XPR1: variants seen among roughly 807,000 people sequenced by gnomAD.
The protein encoded by XPR1 is solute carrier family 53 member 1.
In XPR1, 28 loss-of-function variants were observed where a neutral mutation model predicts 87.5. The observed-to-expected ratio is 0.32, with a 90% CI of 0.24 to 0.44. The LOEUF (loss-of-function observed/expected upper bound fraction) is 0.44, where lower values mean the gene tolerates loss of function less well. Ranked by LOEUF, XPR1 falls within the 20% of genes least tolerant of loss-of-function variation. The probability of loss-of-function intolerance (pLI) is 1.00; values close to 1 mark genes in which losing one functional copy is unlikely to be tolerated. For missense variants in XPR1, 559 were observed against 862.3 expected, an observed-to-expected ratio of 0.65 and a Z score of 4.41; for synonymous variants, 300 against 306.1, an observed-to-expected ratio of 0.98 and a Z score of 0.21.
chr1:180,768,293 A>G (rs1178898361), intron 2 of XPR1, among the ~76,000 whole-genome samples: 4 of 151,774 alleles, frequency 2.6e-5, no homozygotes, highest in African/African-American at 4.8e-5. Context: ...ATATCTTTCT[A>G]GGAGGATTTG....
At chr1:180,771,736 CT>C (rs995800679) in intron 2 of XPR1, among the ~76,000 whole-genome samples, 5 of 152,078 alleles carry the variant, frequency 3.3e-5, no homozygotes, top group Non-Finnish European at 7.4e-5. Flanking sequence ...CAGGTTGTGC[CT>C]TTTTGTCAAG....
At chr1:180,653,672 A>G (rs1353116845) in intron 1 of XPR1, among the ~76,000 whole-genome samples, 3 of 152,208 alleles carry the variant, frequency 2.0e-5, no homozygotes, top group Admixed American at 6.5e-5. Context: ...ACAATAAGAG[A>G]TTAACAACAA....
At chr1:180,640,154 T>C (rs958797989) in intron 1 of XPR1, among the ~76,000 whole-genome samples, 4 of 152,250 alleles carry the variant, frequency 2.6e-5, no homozygotes, top group Non-Finnish European at 5.9e-5. Context: ...ATCAGTAATT[T>C]GCTTAAGGCT....
intron 3 of XPR1, among the ~76,000 whole-genome samples, chr1:180,792,287 C>G (rs1436650009): frequency 6.6e-6 from 1 of 152,108 alleles, no homozygotes; most frequent in East Asian, 1.9e-4. Flanking sequence ...TGACTAAAAC[C>G]TTTCAATGTC....
At chr1:180,813,425 A>G (rs1475223773) in intron 7 of XPR1, among the ~76,000 whole-genome samples, 1 of 152,158 alleles carries the variant, frequency 6.6e-6, no homozygotes, top group Non-Finnish European at 1.5e-5. Flanking sequence ...AGCCTACGTT[A>G]GTTTTCTTCT....
chr1:180,771,742 G>A (rs949001247), intron 2 of XPR1, among the ~76,000 whole-genome samples: 1 of 152,080 alleles, frequency 6.6e-6, no homozygotes, highest in Non-Finnish European at 1.5e-5. Flanking sequence ...GTGCCTTTTT[G>A]TCAAGAATAC....
At chr1:180,864,253 C>G (rs1410908707) in intron 12 of XPR1, among the ~76,000 whole-genome samples, 1 of 152,168 alleles carries the variant, frequency 6.6e-6, no homozygotes, top group African/African-American at 2.4e-5. Context: ...TTTGTAAACA[C>G]CTGTTCCTCC....
chr1:180,737,189 A>AC (rs1029860292), intron 2 of XPR1, among the ~76,000 whole-genome samples: 1 of 152,120 alleles, frequency 6.6e-6, no homozygotes, highest in Non-Finnish European at 1.5e-5. Context: ...TGGGTCAAAC[A>AC]CTAGTCATCA....
At chr1:180,854,647 C>T (rs886354246) in intron 11 of XPR1, among the ~76,000 whole-genome samples, 5 of 152,128 alleles carry the variant, frequency 3.3e-5, no homozygotes, top group African/African-American at 9.7e-5. Context: ...GGGAGTTTGG[C>T]CACAGTGTCA....
intron 1 of XPR1, among the ~76,000 whole-genome samples, chr1:180,648,406 C>G (rs75389020): frequency 5.3e-4 from 80 of 152,320 alleles, no homozygotes; most frequent in African/African-American, 1.9e-3. Context: ...CCATGTGCAT[C>G]AGAATTACCT....
At chr1:180,650,891 A>G (rs980692196) in intron 1 of XPR1, among the ~76,000 whole-genome samples, 11 of 152,220 alleles carry the variant, frequency 7.2e-5, no homozygotes, top group African/African-American at 2.4e-4. Context: ...TGAAAGTGCT[A>G]TAAGGGCCTG....
At chr1:180,765,647 CT>C (rs1255595511) in intron 2 of XPR1, among the ~76,000 whole-genome samples, 3 of 152,108 alleles carry the variant, frequency 2.0e-5, no homozygotes, top group South Asian at 2.1e-4. Context: ...TGTTTTAAAT[CT>C]TCTCTGGATT....
intron 14 of XPR1, among the ~76,000 whole-genome samples, chr1:180,880,553 G>T (rs971795161): frequency 1.3e-5 from 2 of 152,204 alleles, no homozygotes; most frequent in African/African-American, 2.4e-5. Flanking sequence ...GGAGGAAAAG[G>T]TTGTTGGAGA....
At chr1:180,664,004 G>T (rs781259004) in intron 1 of XPR1, among the ~76,000 whole-genome samples, 16 of 152,094 alleles carry the variant, frequency 1.1e-4, no homozygotes, top group Non-Finnish European at 2.4e-4. Flanking sequence ...GGTGAATGCT[G>T]CCAGGCCTGG....
chr1:180,882,969 TG>T (rs200728212), intron 14 of XPR1, among the ~76,000 whole-genome samples: 1 of 151,786 alleles, frequency 6.6e-6, no homozygotes, highest in Admixed American at 6.6e-5. Context: ...GGGGGTTGGT[TG>T]TTTTTTTTTG....
intron 1 of XPR1, among the ~76,000 whole-genome samples, chr1:180,666,397 A>G (rs1237379216): frequency 6.6e-6 from 1 of 152,158 alleles, no homozygotes; most frequent in Non-Finnish European, 1.5e-5. Context: ...TCTTAACAAT[A>G]TTGAGTCTTA....
chr1:180,838,104 C>T (rs564383592), intron 11 of XPR1, among the ~76,000 whole-genome samples: 4 of 152,024 alleles, frequency 2.6e-5, no homozygotes, highest in Non-Finnish European at 5.9e-5. Context: ...GCCTGGAAGC[C>T]GTACTGATAA....
At chr1:180,728,815 A>G (rs963427408) in intron 2 of XPR1, among the ~76,000 whole-genome samples, 26 of 152,222 alleles carry the variant, frequency 1.7e-4, no homozygotes, top group Non-Finnish European at 3.7e-4. Flanking sequence ...GAATGCCAAA[A>G]TTAGGAATTA....
intron 1 of XPR1, among the ~76,000 whole-genome samples, chr1:180,659,373 GTCCTTCCGTCCT>G (rs1326254652): frequency 6.1e-4 from 45 of 73,238 alleles, no homozygotes; most frequent in Middle Eastern, 0.012. Context: ...CCTTCCGTCC[GTCCTTCCGTCCT>G]TCCTTCCTTC....
Sources: gnomAD v4.1 joint callset for allele counts (sites outside exome capture counted in the v4.1 genomes callset) on GRCh38, gnomAD v4.1.1 for gene constraint, MANE v1.5 for transcripts, NCBI Gene and HGNC (gene_info 2026-07-23, HGNC 2026-07-21) for gene names.